KRCC1: variants seen among roughly 807,000 people sequenced by gnomAD.
KRCC1 encodes lysine rich coiled-coil 1, also known as lysine-rich coiled-coil protein 1.
KRCC1 carries 3 observed loss-of-function variants against 7.4 expected under a neutral mutation model. The ratio of observed to expected loss-of-function variants is 0.40; its 90% CI spans 0.18 to 1.04. The LOEUF is 1.04. KRCC1 is among the 50% of genes least tolerant of loss of function. The pLI is 0.33. For synonymous variants in KRCC1, 102 were observed against 101.6 expected, an observed-to-expected ratio of 1.00 and a Z score of -0.02; for missense variants, 277 against 300.9, an observed-to-expected ratio of 0.92 and a Z score of 0.59.
At chr2:88,055,335 G>A (rs1053846007) in intron 1 of KRCC1, among the ~76,000 whole-genome samples, 2 of 151,822 alleles carry the variant, frequency 1.3e-5, no homozygotes, top group Non-Finnish European at 2.9e-5. Context: ...TCCGGGTCTA[G>A]ATTTCCTCCG....
At chr2:88,052,692 G>A (rs1051315322) in intron 1 of KRCC1, among the ~76,000 whole-genome samples, 1 of 152,158 alleles carries the variant, frequency 6.6e-6, no homozygotes, top group Non-Finnish European at 1.5e-5. Flanking sequence ...ACCAACCATC[G>A]TGACATGCTT....
At chr2:88,046,594 A>C (rs1673339980) in intron 1 of KRCC1, among the ~76,000 whole-genome samples, 1 of 152,224 alleles carries the variant, frequency 6.6e-6, no homozygotes, top group Admixed American at 6.5e-5. Context: ...GATGTTTTAG[A>C]GGGACTGTAT....
intron 2 of KRCC1, among the ~76,000 whole-genome samples, chr2:88,036,292 T>C (rs945909129): frequency 1.3e-5 from 2 of 152,102 alleles, no homozygotes; most frequent in Non-Finnish European, 2.9e-5. Flanking sequence ...GACTATTCTT[T>C]CTCCAGGATA....
chr2:88,052,640 A>G (rs774810052), intron 1 of KRCC1, among the ~76,000 whole-genome samples: 2 of 152,250 alleles, frequency 1.3e-5, no homozygotes, highest in Non-Finnish European at 2.9e-5. Flanking sequence ...GACTTGTCAC[A>G]GTATTTCAGA....
chr2:88,044,755 A>G (rs1673293635), intron 1 of KRCC1, among the ~76,000 whole-genome samples: 1 of 152,198 alleles, frequency 6.6e-6, no homozygotes, highest in South Asian at 2.1e-4. Context: ...ATTAAAATTA[A>G]AGGACTAAGA....
chr2:88,055,346 G>A (rs1673595511), intron 1 of KRCC1, among the ~76,000 whole-genome samples: 1 of 151,964 alleles, frequency 6.6e-6, no homozygotes, highest in South Asian at 2.1e-4. Context: ...ATTTCCTCCG[G>A]GTCTAGATTT....
At chr2:88,034,630 C>T (rs1166228949) in intron 2 of KRCC1, among the ~76,000 whole-genome samples, 10 of 152,088 alleles carry the variant, frequency 6.6e-5, no homozygotes, top group East Asian at 1.9e-4. Context: ...TTCTTTGCAA[C>T]GTGAACACTT....
In KRCC1 at chr2:88,052,560, C is replaced by T. The variant is rs141263172; in HGVS notation, c.-291+3066G>A. On this transcript the variant is annotated intron_variant, in intron 1 of 3. Coordinates refer to ENST00000347055, the MANE Select transcript of KRCC1 (RefSeq NM_016618.3). ...ATTATAGTTTAATTTCTTGAGGTTT[C>T]AGCCCTTTGGGCAACTGCGTAAGTG... Among the ~76,000 whole-genome samples the T allele has an allele frequency of 1.3e-4, 14 of 105,542 alleles. No homozygotes were observed. In the East Asian group the frequency reaches 2.1e-3, roughly 16 times the overall value. 69.2% of individuals were successfully genotyped at this position (105,542 alleles called of 152,430 possible). A position where few individuals can be genotyped will look rare whatever the true frequency, so the allele number is the denominator to read the frequency against.
chr2:88,031,637 T>A (rs1025320524), intron 3 of KRCC1, among the ~76,000 whole-genome samples: 3 of 148,780 alleles, frequency 2.0e-5, no homozygotes, highest in Non-Finnish European at 4.5e-5. Flanking sequence ...AATAAAAAAA[T>A]AAAAATAAAA....
intron 1 of KRCC1, among the ~76,000 whole-genome samples, chr2:88,052,179 C>T (rs1018960944): frequency 3.9e-5 from 6 of 152,242 alleles, no homozygotes; most frequent in African/African-American, 1.4e-4. Flanking sequence ...TACATTTTCT[C>T]ATTTGCCAAA....
chr2:88,035,045 G>T (rs1673066038), intron 2 of KRCC1, among the ~76,000 whole-genome samples: 1 of 152,052 alleles, frequency 6.6e-6, no homozygotes, highest in African/African-American at 2.4e-5. Flanking sequence ...ACTATAAATT[G>T]AAAAGAACTA....
intron 3 of KRCC1, among the ~76,000 whole-genome samples, chr2:88,028,805 C>G (rs914181808): frequency 6.6e-6 from 1 of 151,888 alleles, no homozygotes; most frequent in South Asian, 2.1e-4. Flanking sequence ...TGTGTGCCAC[C>G]ACGCCCAGCT....
intron 1 of KRCC1, among the ~76,000 whole-genome samples, chr2:88,050,924 C>CTTTTTTT (rs60827041): frequency 8.0e-6 from 1 of 125,384 alleles, no homozygotes; most frequent in Non-Finnish European, 1.7e-5. Context: ...TCCTTACTTG[C>CTTTTTTT]TTTTTTTTTT....
rs771651318 is a variant in KRCC1 at position 88,050,922 on chromosome 2, TG to T, written c.-291+4703del. Among the ~76,000 whole-genome samples, 101 of 104,954 alleles carry T rather than the reference TG, an allele frequency of 9.6e-4. 1 individual carries two copies. The highest frequency in any genetic ancestry group is 3.1e-3 in the South Asian group (8 of 2,550). The allele number at this position is 104,954 out of a possible 152,430, so 68.9% of individuals were successfully genotyped here. On this transcript the variant is annotated intron_variant, in intron 1 of 3. Coordinates refer to ENST00000347055, the MANE Select transcript of KRCC1 (RefSeq NM_016618.3). The stretch of plus-strand genomic sequence containing the variant: ...TTATGCCTTCTATATCTTCCTTACT[TG>T]CTTTTTTTTTTTTTTTTTGAGACAG...
chr2:88,035,549 T>C (rs1244065419), intron 2 of KRCC1, among the ~76,000 whole-genome samples: 2 of 152,170 alleles, frequency 1.3e-5, no homozygotes, highest in Non-Finnish European at 2.9e-5. Flanking sequence ...AGCTTTGTAC[T>C]GCCTAACTCC....
chr2:88,029,843 T>A (rs1163848755), intron 3 of KRCC1, among the ~76,000 whole-genome samples: 855 of 67,872 alleles, frequency 0.013, 8 homozygotes, highest in African/African-American at 0.03. Flanking sequence ...TAAAAAAATA[T>A]ATATATATAT....
chr2:88,047,434 G>C (rs1238871436), intron 1 of KRCC1, among the ~76,000 whole-genome samples: 1 of 152,084 alleles, frequency 6.6e-6, no homozygotes, highest in Non-Finnish European at 1.5e-5. Flanking sequence ...CATGTTTGAT[G>C]AATAAATCAA....
At chr2:88,031,768 A>ATT (rs1558830714) in intron 3 of KRCC1, among the ~76,000 whole-genome samples, 1 of 152,166 alleles carries the variant, frequency 6.6e-6, no homozygotes, top group African/African-American at 2.4e-5. Context: ...AAAAAGTTAA[A>ATT]AAAATTTAAA....
At chr2:88,045,706 CAG>C (rs1311470367) in intron 1 of KRCC1, among the ~76,000 whole-genome samples, 7 of 151,382 alleles carry the variant, frequency 4.6e-5, no homozygotes, top group Middle Eastern at 3.4e-3. Flanking sequence ...TTTTTTGAGA[CAG>C]AGTCTCACTC....
Sources: gnomAD v4.1 joint callset for allele counts (sites outside exome capture counted in the v4.1 genomes callset) on GRCh38, gnomAD v4.1.1 for gene constraint, MANE v1.5 for transcripts, NCBI Gene and HGNC (gene_info 2026-07-23, HGNC 2026-07-21) for gene names.